The following STK32B variants were observed in gnomAD, a reference collection of about 807,000 sequenced individuals.
The protein encoded by STK32B is serine/threonine kinase 32B.
A neutral mutation model predicts 52.6 loss-of-function variants in STK32B; 43 were observed. The ratio of observed to expected loss-of-function variants is 0.82; its 90% CI spans 0.64 to 1.05. The LOEUF (loss-of-function observed/expected upper bound fraction) is 1.05. Ranked by LOEUF, STK32B falls within the 50% of genes least tolerant of loss-of-function variation. The probability of loss-of-function intolerance (pLI) is 0.00; values close to 1 mark genes in which losing one functional copy is unlikely to be tolerated. For synonymous variants in STK32B, 238 were observed against 204.3 expected (o/e 1.17, Z -1.41); for missense variants, 621 against 534.6 (o/e 1.16, Z -1.59).
chr4:5,485,555 G>C (rs532026878), intron 11 of STK32B, among the ~76,000 whole-genome samples: 13 of 152,220 alleles, frequency 8.5e-5, no homozygotes, highest in African/African-American at 2.2e-4. Flanking sequence ...GCTCGGAGTT[G>C]TTTGATCTTC....
intron 3 of STK32B, among the ~76,000 whole-genome samples, chr4:5,194,662 A>G (rs1721501761): frequency 6.6e-6 from 1 of 152,224 alleles, no homozygotes; most frequent in African/African-American, 2.4e-5. Context: ...ACTGCTATAA[A>G]GAAATACCTG....
At chr4:5,452,583 G>A (rs950441673) in intron 7 of STK32B, among the ~76,000 whole-genome samples, 1 of 152,150 alleles carries the variant, frequency 6.6e-6, no homozygotes, top group African/African-American at 2.4e-5. Context: ...TTTCTCTGGG[G>A]TTTGGAGGTT....
At chr4:5,249,546 T>G (rs1299918510) in intron 3 of STK32B, among the ~76,000 whole-genome samples, 1 of 151,516 alleles carries the variant, frequency 6.6e-6, no homozygotes. Flanking sequence ...TTCCTTCTTT[T>G]CTTTCTTAAT....
At chr4:5,296,888 G>T (rs1374547271) in intron 3 of STK32B, among the ~76,000 whole-genome samples, 1 of 152,018 alleles carries the variant, frequency 6.6e-6, no homozygotes, top group Non-Finnish European at 1.5e-5. Flanking sequence ...GTATGTTTTT[G>T]CAATTCCTGG....
intron 7 of STK32B, among the ~76,000 whole-genome samples, chr4:5,449,525 C>T (rs543342181): frequency 3.3e-5 from 5 of 152,298 alleles, no homozygotes; most frequent in Admixed American, 3.3e-4. Flanking sequence ...GGGACCAAGT[C>T]CTGTTGGCAG....
At position 5,116,809 on chromosome 4, in the gene STK32B, A is replaced by C. The variant is rs191009183; in HGVS notation, c.53-23096A>C. ...TTACTCTTCCATTTGTTTGTGTTTT[A>C]ATTCCTTTCATCAATGACTTACACA... On this transcript the variant is annotated intron_variant, in intron 1 of 11. Coordinates refer to ENST00000282908, the MANE Select transcript of STK32B (RefSeq NM_018401.3). Among the ~76,000 whole-genome samples, 49 of 151,944 alleles carry C rather than the reference A, an allele frequency of 3.2e-4. No individual in the cohort carries two copies. In the East Asian group the frequency reaches 8.5e-3, roughly 26 times the overall value.
chr4:5,444,770 A>G (rs896349839), intron 6 of STK32B, among the ~76,000 whole-genome samples: 10 of 152,206 alleles, frequency 6.6e-5, no homozygotes, highest in South Asian at 2.1e-4. Flanking sequence ...CAACAGCCCA[A>G]TGAATAAACC....
At position 5,416,906 on chromosome 4, in the gene STK32B, C is replaced by G. The variant is rs1560394177; in HGVS notation, c.534C>G (p.Ser178=). 1 of 1,613,724 alleles carries G rather than the reference C, an allele frequency of 6.2e-7. No homozygotes were observed. The highest frequency in any genetic ancestry group is 1.7e-5 in the Admixed American group (1 of 59,984). Residue 178 remains serine, a synonymous_variant, in exon 6 of 12, where the codon TCC becomes TCG. Coordinates refer to ENST00000282908, the MANE Select transcript of STK32B (RefSeq NM_018401.3). ...TAGTGAAAGGAGCAGAAAGGGCTTCCTCCATGGCTGGCACCAAGCCCTACA... is the reference window on the plus strand; with the variant it reads ...TAGTGAAAGGAGCAGAAAGGGCTTCGTCCATGGCTGGCACCAAGCCCTACA... ...ATVVKGAERA[S]SMAGTKPYMA...
chr4:5,415,111 G>T (rs1174495673), intron 5 of STK32B, among the ~76,000 whole-genome samples: 1 of 152,168 alleles, frequency 6.6e-6, no homozygotes, highest in Non-Finnish European at 1.5e-5. Flanking sequence ...GAATAGGAGG[G>T]TGCAGGAGAT....
intron 5 of STK32B, among the ~76,000 whole-genome samples, chr4:5,410,722 A>G (rs976297047): frequency 4.6e-5 from 7 of 152,214 alleles, no homozygotes; most frequent in African/African-American, 7.2e-5. Flanking sequence ...AATGTTGTCA[A>G]TACTCCTCTG....
At chr4:5,495,984 C>T (rs1720200507) in intron 11 of STK32B, among the ~76,000 whole-genome samples, 1 of 151,322 alleles carries the variant, frequency 6.6e-6, no homozygotes, top group South Asian at 2.1e-4. Context: ...CAGTCTGCCC[C>T]TACTGGGGGG....
intron 3 of STK32B, among the ~76,000 whole-genome samples, chr4:5,239,761 A>ATT (rs200618799): frequency 2.1e-3 from 315 of 147,886 alleles, no homozygotes; most frequent in African/African-American, 7.4e-3. Flanking sequence ...AAGAGTCAGA[A>ATT]TTTTTTTTTT....
intron 3 of STK32B, among the ~76,000 whole-genome samples, chr4:5,197,570 C>T (rs1721783979): frequency 6.6e-6 from 1 of 152,208 alleles, no homozygotes; most frequent in African/African-American, 2.4e-5. Context: ...AATGAATGCA[C>T]TATTTCTGGG....
the STK32B span, among the ~76,000 whole-genome samples, chr4:5,024,222 T>C: frequency 6.6e-6 from 1 of 152,186 alleles, no homozygotes; most frequent in African/African-American, 2.4e-5. Flanking sequence ...TTAGAGTCCT[T>C]ATGCAATAAG....
At chr4:5,051,016 T>C (rs558285836), upstream of STK32B, among the ~76,000 whole-genome samples, 2 of 148,738 alleles carry the variant, frequency 1.3e-5, no homozygotes, top group South Asian at 2.1e-4. Flanking sequence ...GGTCAGAAAG[T>C]AAACAGATAC....
At chr4:5,452,265 A>C (rs1716073485) in intron 7 of STK32B, among the ~76,000 whole-genome samples, 1 of 152,154 alleles carries the variant, frequency 6.6e-6, no homozygotes, top group Non-Finnish European at 1.5e-5. Context: ...TTGAGGGTAC[A>C]GAGAGGCCAG....
intron 4 of STK32B, among the ~76,000 whole-genome samples, chr4:5,331,780 C>T (rs1444147613): frequency 1.3e-5 from 2 of 152,162 alleles, no homozygotes; most frequent in African/African-American, 4.8e-5. Context: ...GAAATCAGTG[C>T]TGTGCATCGT....
chr4:5,258,546 TC>T (rs1436977886), intron 3 of STK32B, among the ~76,000 whole-genome samples: 1 of 152,110 alleles, frequency 6.6e-6, no homozygotes, highest in African/African-American at 2.4e-5. Flanking sequence ...TGCTCCATTC[TC>T]CCCAGTGTGA....
intron 4 of STK32B, among the ~76,000 whole-genome samples, chr4:5,390,167 G>T (rs1031854728): frequency 6.6e-6 from 1 of 152,236 alleles, no homozygotes; most frequent in African/African-American, 2.4e-5. Flanking sequence ...TTACTGCAGT[G>T]GTGAGGGAGT....
Sources: gnomAD v4.1 joint callset for allele counts (sites outside exome capture counted in the v4.1 genomes callset) on GRCh38, gnomAD v4.1.1 for gene constraint, MANE v1.5 for transcripts, NCBI Gene and HGNC (gene_info 2026-07-23, HGNC 2026-07-21) for gene names.